Variants in MYO18A observed in about 807,000 individuals in gnomAD.
The protein encoded by MYO18A is myosin XVIIIA.
MYO18A carries 78 observed loss-of-function variants against 235.8 expected under a neutral mutation model. That is an observed-to-expected ratio of 0.33 (90% CI 0.28 to 0.40). The LOEUF (loss-of-function observed/expected upper bound fraction) is 0.40, where lower values mean the gene tolerates loss of function less well. Among genes scored for constraint, MYO18A ranks in the 10% least tolerant of loss-of-function variants. The probability of loss-of-function intolerance (pLI) is 1.00; values close to 1 mark genes in which losing one functional copy is unlikely to be tolerated. For missense variants in MYO18A, 2,215 were observed against 2,699.3 expected (o/e 0.82, Z 3.98); for synonymous variants, 977 against 1,077.8 (o/e 0.91, Z 1.83).
intron 2 of MYO18A, among the ~76,000 whole-genome samples, chr17:29,149,913 T>C (rs2067933228): frequency 6.6e-6 from 1 of 152,216 alleles, no homozygotes; most frequent in Non-Finnish European, 1.5e-5. Flanking sequence ...ATCCACCCCC[T>C]CTGGTAGACA....
chr17:29,121,786 T>C lies in MYO18A; in HGVS notation c.1195-63A>G. ...AGAGCCCATCTCCGCTGCCAGAGGA[T>C]GGGCCTGCCCTGCCCAGTGCACTCC... On this transcript the variant is annotated intron_variant, in intron 4 of 41. Transcript: ENST00000527372. This position sits in a 1 kb window ranked among gnomAD's most constrained non-coding sequence, Gnocchi z 4.2. The C allele has an allele frequency of 6.2e-7, 1 of 1,608,796 alleles. No homozygotes were observed. Among genetic ancestry groups the C allele is most frequent in the African/African-American group, 1.3e-5 (1 of 74,914 alleles).
intron 34 of MYO18A, chr17:29,091,593 C>T (rs760588338): frequency 2.2e-6 from 1 of 452,378 alleles, no homozygotes; most frequent in South Asian, 1.6e-5. Context: ...TTTATAACAA[C>T]CTTTTTTAAC....
rs1022361630 is a variant in MYO18A at position 29,126,705 on chromosome 17, G to A, written c.1000-4452C>T. The stretch of plus-strand genomic sequence containing the variant: ...CAGGGAAGTAGTGGCAAAACTTGAT[G>A]CTCCTCTCCCACACCCTGGGAGGCC... On this transcript the variant is annotated intron_variant, in intron 2 of 41. Coordinates refer to ENST00000527372, the MANE Select transcript of MYO18A (RefSeq NM_078471.4). The surrounding 1 kb of genome is among the most constrained non-coding windows in gnomAD (Gnocchi z 4.1). 6.6e-6 allele frequency among the ~76,000 whole-genome samples: 1 copy of A among 152,182 alleles called. No individual in the cohort carries two copies. Among genetic ancestry groups the A allele is most frequent in the African/African-American group, 2.4e-5 (1 of 41,446 alleles).
Position 29,092,416 on chromosome 17 carries a change from G to A in MYO18A, c.5114C>T (p.Ala1705Val), listed in dbSNP as rs1399770003. ...SEFTCAAAVK[A>V]RKAMEVEIED... ...GATCTCCACCTCCATTGCTTTCCGT[G>A]CTTTCACGGCTGCCGCACAGGTGAA... The change falls in exon 34 of 42, where the codon GCA becomes GTA. Residue 1705 changes from alanine (A) to valine (V), a missense_variant. Coordinates refer to ENST00000527372, the MANE Select transcript of MYO18A (RefSeq NM_078471.4). 1.2e-6 allele frequency: 2 copies of A among 1,612,506 alleles called. No homozygotes were observed. The highest frequency in any genetic ancestry group is 3.3e-5 in the Admixed American group (2 of 59,990).
intron 1 of MYO18A, among the ~76,000 whole-genome samples, chr17:29,174,782 T>A (rs1008540030): frequency 1.1e-4 from 16 of 151,906 alleles, no homozygotes; most frequent in African/African-American, 3.9e-4. Flanking sequence ...ATTGCAGCAC[T>A]CCAGCCTGCG....
At chr17:29,087,492 G>A (rs2066284181) in intron 37 of MYO18A, among the ~76,000 whole-genome samples, 1 of 152,036 alleles carries the variant, frequency 6.6e-6, no homozygotes, top group Non-Finnish European at 1.5e-5. Flanking sequence ...CTTCCCGCAG[G>A]GACTCTGAAC....
intron 23 of MYO18A, 57 bp from the exon 24 acceptor site, chr17:29,098,502 C>G (rs2066577046): frequency 6.3e-7 from 1 of 1,591,166 alleles, no homozygotes; most frequent in African/African-American, 1.3e-5. Flanking sequence ...GATTGGGGCC[C>G]TGGGTCTGCA....
At chr17:29,156,561 G>T (rs1308845898) in intron 2 of MYO18A, among the ~76,000 whole-genome samples, 1 of 152,232 alleles carries the variant, frequency 6.6e-6, no homozygotes, top group Non-Finnish European at 1.5e-5. Flanking sequence ...AGGGGTCCAG[G>T]ACCCAAAACT....
intron 2 of MYO18A, among the ~76,000 whole-genome samples, chr17:29,134,128 G>A (rs2067539157): frequency 6.6e-6 from 1 of 152,194 alleles, no homozygotes; most frequent in Non-Finnish European, 1.5e-5. Flanking sequence ...TTGAGATGCA[G>A]TCTCACTCTG....
chr17:29,082,005 T>C (rs1449146879), intron 41 of MYO18A, among the ~76,000 whole-genome samples: 1 of 152,222 alleles, frequency 6.6e-6, no homozygotes, highest in Non-Finnish European at 1.5e-5. Context: ...CCAGTTTTGA[T>C]TCCAAGGGTC....
chr17:29,099,341 A>G (rs1331665848), intron 22 of MYO18A, among the ~76,000 whole-genome samples: 1 of 152,212 alleles, frequency 6.6e-6, no homozygotes, highest in African/African-American at 2.4e-5. Flanking sequence ...TGCTAATAAG[A>G]AAAGGAGTCA....
intron 19 of MYO18A, chr17:29,107,431 A>G (rs1358893738): frequency 5.8e-5 from 28 of 482,830 alleles, no homozygotes; most frequent in Non-Finnish European, 1.1e-4. Context: ...AAAAAGGAAC[A>G]GCCTCCTTCA....
chr17:29,161,929 AAC>A (rs772152680), intron 2 of MYO18A, among the ~76,000 whole-genome samples: 5 of 152,252 alleles, frequency 3.3e-5, no homozygotes, highest in Non-Finnish European at 5.9e-5. Flanking sequence ...ACTTAAGAGT[AAC>A]TGATCCAAAT....
rs866861183 is a variant in MYO18A, at chr17:29,117,806, A to G, written c.2038+239T>C. On this transcript the variant is annotated intron_variant, in intron 10 of 41. Transcript: ENST00000527372. This position sits in a 1 kb window ranked among gnomAD's most constrained non-coding sequence, Gnocchi z 4.6. ...TCAGCCTCTGAACCCCCAGCCCTCCATGCTTCCTCATGGTGCCCCCCAGCA... is the reference window on the plus strand; with the variant it reads ...TCAGCCTCTGAACCCCCAGCCCTCCGTGCTTCCTCATGGTGCCCCCCAGCA... Among the ~76,000 whole-genome samples the G allele has an allele frequency of 3.9e-5, 6 of 152,238 alleles. No homozygotes were observed. The Middle Eastern group carries it at 0.01, about 259-fold the overall frequency.
chr17:29,092,825 C>G, intron 33 of MYO18A, 30 bp downstream of exon 33: 1 of 1,611,678 alleles, frequency 6.2e-7, no homozygotes, highest in Non-Finnish European at 8.5e-7. Context: ...TCTGTTGTGC[C>G]TGGATCAGCC....
In MYO18A at chr17:29,114,116, C is replaced by T. The variant is rs752681379; in HGVS notation, c.2512-19G>A. ...TGTTCTCCTGGGAAAGAAGGCCGAG[C>T]GGTAGTGAGCATGGGGGTCACATTG... On this transcript the variant is annotated intron_variant, in intron 14 of 41. Transcript: ENST00000527372. The T allele has an allele frequency of 1.5e-5, 24 of 1,567,094 alleles. 1 individual carries two copies. The highest frequency in any genetic ancestry group is 5.5e-5 in the Admixed American group (3 of 54,402).
chr17:29,114,280 C>A (rs763936082), intron 14 of MYO18A, 183 bp from the exon 15 acceptor site: 37 of 575,908 alleles, frequency 6.4e-5, no homozygotes, highest in Non-Finnish European at 9.9e-5. Flanking sequence ...TTTTGCACAG[C>A]TAAAATTCTC....
In MYO18A at chr17:29,079,986, C is replaced by A. The variant is rs749103423; in HGVS notation, c.6020+2330G>T. The A allele has an allele frequency of 3.0e-6, 3 of 985,948 alleles. No homozygotes were observed. In the African/African-American group the frequency reaches 5.2e-5, roughly 17 times the overall value. 61.1% of individuals were successfully genotyped at this position (985,948 alleles called of 1,614,324 possible). On this transcript the variant is annotated intron_variant, in intron 41 of 41. Coordinates refer to ENST00000527372, the MANE Select transcript of MYO18A (RefSeq NM_078471.4). ...TCTTGCTCTTCCGAGAGCGCCCCTT[C>A]TTCCGCCTCTTGTGCTCTGAGGAAG... is the stretch of plus-strand genomic sequence containing the variant.
chr17:29,110,927 T>C (rs1207803703), intron 17 of MYO18A, among the ~76,000 whole-genome samples: 1 of 152,184 alleles, frequency 6.6e-6, no homozygotes, highest in African/African-American at 2.4e-5. Flanking sequence ...GAGTTTCCAA[T>C]GTGACAGGAG....
Sources: allele counts gnomAD v4.1 joint callset (sites outside exome capture counted in the v4.1 genomes callset), GRCh38; gene constraint gnomAD v4.1.1; non-coding constraint Gnocchi (gnomAD v3.1); transcripts MANE v1.5; gene names NCBI Gene and HGNC (gene_info 2026-07-23, HGNC 2026-07-21).